The following RASSF6 variants were observed in gnomAD, a reference collection of about 807,000 sequenced individuals.
RASSF6 encodes the protein ras association domain-containing protein 6.
RASSF6 carries 52 observed loss-of-function variants against 44.0 expected under a neutral mutation model. The ratio of observed to expected loss-of-function variants is 1.18; its 90% CI spans 0.95 to 1.49. RASSF6 has a LOEUF of 1.49. Among genes scored for constraint, RASSF6 ranks in the 40% most tolerant of loss-of-function variants. The pLI is 0.00. For synonymous variants in RASSF6, 162 were observed against 124.6 expected (o/e 1.30, Z -2.00); for missense variants, 464 against 393.3 (o/e 1.18, Z -1.52).
chr4:73,593,073 T>C lies in RASSF6; in HGVS notation c.287+378A>G, dbSNP rs144896037. On this transcript the variant is annotated intron_variant, in intron 4 of 10. Coordinates refer to ENST00000307439, the MANE Select transcript of RASSF6 (RefSeq NM_177532.5). ...CTCTGTTGCTCAGGCTGGAGTGCAA[T>C]GGCGCAATCTCGGCTCACTGCAAAC... Among the ~76,000 whole-genome samples the C allele has an allele frequency of 2.9e-3, 430 of 150,566 alleles. 1 individual carries two copies. Among genetic ancestry groups the C allele is most frequent in the African/African-American group, 6.4e-3 (263 of 40,900 alleles).
chr4:73,601,003 A>T (rs915631145), intron 2 of RASSF6, among the ~76,000 whole-genome samples: 8 of 152,236 alleles, frequency 5.3e-5, no homozygotes, highest in African/African-American at 1.9e-4. Flanking sequence ...GACACTTGGG[A>T]TGCAACTCCT....
chr4:73,600,323 A>G (rs944616162), intron 2 of RASSF6, among the ~76,000 whole-genome samples: 1 of 152,144 alleles, frequency 6.6e-6, no homozygotes, highest in African/African-American at 2.4e-5. Flanking sequence ...TTATCGGGAA[A>G]TATTCATTGC....
chr4:73,612,440 G>C lies in RASSF6; in HGVS notation c.-34-611C>G, dbSNP rs181963909. On this transcript the variant is annotated intron_variant, in intron 1 of 10. Transcript: ENST00000307439. Reference sequence around the variant, plus strand: ...CAAGTCTATAAGATTTTAGGGGATAGAGCCAGAATAAAAAAGATGGATGAG... The same window carrying C: ...CAAGTCTATAAGATTTTAGGGGATACAGCCAGAATAAAAAAGATGGATGAG... Among the ~76,000 whole-genome samples, 5 of 150,554 alleles carry C rather than the reference G, an allele frequency of 3.3e-5. No homozygotes were observed. The East Asian group carries it at 9.8e-4, about 29-fold the overall frequency.
rs1212906934 is a variant in RASSF6 at position 73,571,973 on chromosome 4, T to G, written c.*4262A>C. On this transcript the variant is annotated 3_prime_UTR_variant, in exon 11 of 11. Coordinates refer to ENST00000307439, the MANE Select transcript of RASSF6 (RefSeq NM_177532.5). ...AGCTATACATTGCTATGTAACAAAT[T>G]GCCCCAAATTTAGCGGCGTACTACA... 7 of 152,154 alleles carry G rather than the reference T, an allele frequency of 4.6e-5. No homozygotes were observed. Among genetic ancestry groups the G allele is most frequent in the Admixed American group, 1.3e-4 (2 of 15,272 alleles). The allele number at this position is 152,154 out of a possible 1,614,324, so 9.4% of individuals were successfully genotyped here.
chr4:73,579,731 C>A lies in RASSF6; in HGVS notation c.721+2086G>T, dbSNP rs190559631. 4.0e-3 allele frequency among the ~76,000 whole-genome samples: 604 copies of A among 150,574 alleles called. 4 individuals are homozygous for A. Among genetic ancestry groups the A allele is most frequent in the African/African-American group, 0.014 (581 of 41,170 alleles). On this transcript the variant is annotated intron_variant, in intron 8 of 10. Coordinates refer to ENST00000307439, the MANE Select transcript of RASSF6 (RefSeq NM_177532.5). ...ATTCTTTGTAATCTACTATTTGTAT[C>A]TTTTAAATTGTTACACAGTCCAGTA...
intron 8 of RASSF6, among the ~76,000 whole-genome samples, chr4:73,581,401 C>T (rs1323643212): frequency 6.6e-6 from 1 of 152,128 alleles, no homozygotes; most frequent in Non-Finnish European, 1.5e-5. Context: ...CGCAATGTGT[C>T]AGACCCTGTG....
At chr4:73,576,987 T>C (rs1368426897) in intron 8 of RASSF6, among the ~76,000 whole-genome samples, 1 of 152,328 alleles carries the variant, frequency 6.6e-6, no homozygotes, top group Admixed American at 6.5e-5. Flanking sequence ...AAATCTCCGG[T>C]CTGATAGGCC....
At chr4:73,602,723 G>T (rs1382895795) in intron 2 of RASSF6, among the ~76,000 whole-genome samples, 2 of 152,170 alleles carry the variant, frequency 1.3e-5, no homozygotes, top group Non-Finnish European at 2.9e-5. Context: ...TAAAATGGGT[G>T]ATAAGAAATG....
chr4:73,582,884 G>T (rs1034107979), intron 6 of RASSF6, among the ~76,000 whole-genome samples: 2 of 151,920 alleles, frequency 1.3e-5, no homozygotes, highest in African/African-American at 4.8e-5. Flanking sequence ...TAAAAATGTG[G>T]ATATGTAAAT....
chr4:73,590,983 G>A (rs189489675), intron 4 of RASSF6, among the ~76,000 whole-genome samples: 8 of 152,296 alleles, frequency 5.3e-5, no homozygotes, highest in African/African-American at 1.7e-4. Context: ...AGTATATGGA[G>A]AGGCATATTA....
chr4:73,609,054 A>G (rs1032082825), intron 2 of RASSF6, among the ~76,000 whole-genome samples: 13 of 152,198 alleles, frequency 8.5e-5, no homozygotes, highest in African/African-American at 3.1e-4. Context: ...TAAGGACAGG[A>G]TTGTACACGT....
intron 8 of RASSF6, among the ~76,000 whole-genome samples, chr4:73,579,220 C>A (rs764707667): frequency 6.6e-5 from 10 of 152,076 alleles, no homozygotes; most frequent in Non-Finnish European, 1.5e-4. Flanking sequence ...GTAACTTTGT[C>A]TTTAGCTTTT....
At chr4:73,612,902 T>C (rs927492397) in intron 1 of RASSF6, among the ~76,000 whole-genome samples, 1 of 152,130 alleles carries the variant, frequency 6.6e-6, no homozygotes, top group Non-Finnish European at 1.5e-5. Flanking sequence ...AGGCTCCAAA[T>C]TGAAACATTT....
intron 8 of RASSF6, among the ~76,000 whole-genome samples, chr4:73,578,029 T>TTTTCTTTATTTCTGGTCCCTAAAAG (rs148066158): frequency 6.6e-6 from 1 of 151,908 alleles, no homozygotes; most frequent in Non-Finnish European, 1.5e-5. Context: ...TGCTCTCTTC[T>TTTTCTTTATTTCTGGTCCCTAAAAG]GACCTAGTTA....
In RASSF6 at chr4:73,575,349, G is replaced by A. The variant is rs1165209978; in HGVS notation, c.*886C>T. 6.6e-6 allele frequency: 1 copy of A among 151,500 alleles called. No homozygotes were observed. Among genetic ancestry groups the A allele is most frequent in the Non-Finnish European group, 1.5e-5 (1 of 67,906 alleles). The allele number at this position is 151,500 out of a possible 1,614,324, so 9.4% of individuals were successfully genotyped here. ...CAGATCTGTGAGTACCTTGAGAGTT[G>A]TCATGTAGAATAAGATGCTAAGAGG... is the stretch of plus-strand genomic sequence containing the variant. On this transcript the variant is annotated 3_prime_UTR_variant, in exon 11 of 11. Coordinates refer to ENST00000307439, the MANE Select transcript of RASSF6 (RefSeq NM_177532.5).
intron 2 of RASSF6, among the ~76,000 whole-genome samples, chr4:73,611,409 G>T (rs1726003716): frequency 6.6e-6 from 1 of 152,108 alleles, no homozygotes; most frequent in Non-Finnish European, 1.5e-5. Flanking sequence ...TGGCCCTGGG[G>T]TTAATTCTTT....
chr4:73,586,681 C>A (rs1349924233), intron 5 of RASSF6, among the ~76,000 whole-genome samples: 2 of 151,928 alleles, frequency 1.3e-5, no homozygotes, highest in Non-Finnish European at 2.9e-5. Context: ...CCTTCTCTAG[C>A]ACTGCTGTTT....
intron 8 of RASSF6, among the ~76,000 whole-genome samples, chr4:73,580,031 C>T (rs1389570185): frequency 8.5e-6 from 1 of 117,478 alleles, no homozygotes; most frequent in African/African-American, 3.2e-5. Flanking sequence ...CCTCCCCCGA[C>T]CCCACAACAG....
chr4:73,609,624 T>C (rs1022140900), intron 2 of RASSF6, among the ~76,000 whole-genome samples: 3 of 152,204 alleles, frequency 2.0e-5, no homozygotes, highest in Non-Finnish European at 2.9e-5. Flanking sequence ...TTTCATGTAG[T>C]TCTGTGCAGG....
Sources: gnomAD v4.1 joint callset for allele counts (sites outside exome capture counted in the v4.1 genomes callset) on GRCh38, gnomAD v4.1.1 for gene constraint, MANE v1.5 for transcripts, NCBI Gene and HGNC (gene_info 2026-07-23, HGNC 2026-07-21) for gene names.